Variants in AZIN1 observed in about 807,000 individuals in gnomAD.
The protein encoded by AZIN1 is ornithine decarboxylase antizyme inhibitor.
AZIN1 carries 12 observed loss-of-function variants against 47.4 expected under a neutral mutation model. The observed-to-expected ratio is 0.25, with a 90% confidence interval of 0.16 to 0.41. AZIN1 has a LOEUF of 0.41. AZIN1 is among the 10% of genes least tolerant of loss of function. The probability of loss-of-function intolerance (pLI) is 1.00; values close to 1 mark genes in which losing one functional copy is unlikely to be tolerated. For synonymous variants in AZIN1, 155 were observed against 176.3 expected, an observed-to-expected ratio of 0.88 and a Z score of 0.96; for missense variants, 410 against 532.4, an observed-to-expected ratio of 0.77 and a Z score of 2.26.
At position 102,827,334 on chromosome 8, in the gene AZIN1, A is replaced by T. The variant is rs557735485; in HGVS notation, c.*1233T>A. On this transcript the variant is annotated 3_prime_UTR_variant, in exon 12 of 12. Coordinates refer to ENST00000337198, the MANE Select transcript of AZIN1 (RefSeq NM_148174.4). ...TGATGCTAACTCCCTTCCCCCAACC[A>T]CCATAAAATTTTAGTAAGAAAAGAA... 1 of 152,268 alleles carries T rather than the reference A, an allele frequency of 6.6e-6. No individual in the cohort carries two copies. The highest frequency in any genetic ancestry group is 2.4e-5 in the African/African-American group (1 of 41,560). 9.4% of individuals were successfully genotyped at this position (152,268 alleles called of 1,614,324 possible).
chr8:102,833,326 TCACAGATCATGAA>T (rs1339883707), intron 8 of AZIN1, 108 bp from the exon 9 acceptor site: 1 of 1,017,210 alleles, frequency 9.8e-7, no homozygotes, highest in Non-Finnish European at 1.4e-6. Flanking sequence ...GCAGTTCCAA[TCACAGATCATGAA>T]CCTTAGCAAC....
chr8:102,848,349 A>C, intron 2 of AZIN1, among the ~76,000 whole-genome samples: 1 of 146,500 alleles, frequency 6.8e-6, no homozygotes, highest in African/African-American at 2.5e-5. Context: ...AAAAAAAGCC[A>C]ATTCCTCAAA....
chr8:102,829,034 G>A (rs1002515982), intron 11 of AZIN1, among the ~76,000 whole-genome samples: 4 of 152,178 alleles, frequency 2.6e-5, no homozygotes, highest in African/African-American at 9.7e-5. Flanking sequence ...ATGCTGTACA[G>A]GTTTGTAGCC....
intron 9 of AZIN1, 65 bp downstream of exon 9, chr8:102,832,991 G>A: frequency 7.2e-7 from 1 of 1,393,872 alleles, no homozygotes; most frequent in Non-Finnish European, 1.0e-6. Flanking sequence ...ATGACCATCT[G>A]CTCATTTCCA....
In AZIN1 at chr8:102,839,703, C is replaced by G. The variant is rs776161154; in HGVS notation, c.223G>C (p.Ala75Pro). 31 of 1,603,258 alleles carry G rather than the reference C, an allele frequency of 1.9e-5. No individual in the cohort carries two copies. Among genetic ancestry groups the G allele is most frequent in the Non-Finnish European group, 2.4e-5 (28 of 1,174,208 alleles). ...AGAGCTGCCAAAATCTCAAGTACAG[C>G]TGGAGCAGAGTTGCACTTCACTGTG... ...FYTVKCNSAP[A>P]VLEILAALGT... is the part of the protein sequence containing the mutation. The change falls in exon 4 of 12, where the codon GCT becomes CCT. Residue 75 changes from alanine (A) to proline (P), a missense_variant. Ala to Pro is a conservative substitution (Grantham distance 27). This residue lies in a region of AZIN1 where 237 missense variants were observed against 309.4 expected (regional missense o/e 0.77). Transcript: ENST00000337198.
chr8:102,839,922 T>C, intron 3 of AZIN1, 99 bp from the exon 4 acceptor site: 1 of 805,562 alleles, frequency 1.2e-6, no homozygotes, highest in Non-Finnish European at 1.9e-6. Context: ...CACAAATATA[T>C]GGGTCAAGAC....
At chr8:102,841,374 A>G (rs937827290) in intron 3 of AZIN1, among the ~76,000 whole-genome samples, 6 of 152,218 alleles carry the variant, frequency 3.9e-5, no homozygotes, top group Non-Finnish European at 7.3e-5. Flanking sequence ...AATGCTACTA[A>G]ACGTGGGTTA....
rs1032927406 is a variant in AZIN1, at chr8:102,842,711, AAAAAAAC to A, written c.102+833_102+839del. 2.1e-4 allele frequency among the ~76,000 whole-genome samples: 32 copies of A among 151,604 alleles called. No homozygotes were observed. The Middle Eastern group carries it at 0.021, about 98-fold the overall frequency. Reference sequence around the variant, plus strand: ...TACAGAGGGAGACTCCATCTCAAAAAAAAAAACAAAAAACAAAAAACAAAAAAAAAAC... The same window carrying A: ...TACAGAGGGAGACTCCATCTCAAAAAAAAAAACAAAAAACAAAAAAAAAAC... On this transcript the variant is annotated intron_variant, in intron 3 of 11. Coordinates refer to ENST00000337198, the MANE Select transcript of AZIN1 (RefSeq NM_148174.4).
intron 2 of AZIN1, among the ~76,000 whole-genome samples, chr8:102,847,616 G>A (rs1370149407): frequency 2.0e-5 from 3 of 150,442 alleles, no homozygotes; most frequent in Non-Finnish European, 4.4e-5. Flanking sequence ...CACCCAGACT[G>A]GAGTGCAGTG....
At chr8:102,832,889 C>G (rs1386823164) in intron 9 of AZIN1, among the ~76,000 whole-genome samples, 167 bp downstream of exon 9, 1 of 152,178 alleles carries the variant, frequency 6.6e-6, no homozygotes, top group Non-Finnish European at 1.5e-5. Flanking sequence ...ATCCACCTGG[C>G]TCTGCCTCCC....
chr8:102,847,570 ATTT>A (rs200379142), intron 2 of AZIN1, among the ~76,000 whole-genome samples: 2 of 141,980 alleles, frequency 1.4e-5, no homozygotes, highest in African/African-American at 2.6e-5. Flanking sequence ...AATTTTTCCC[ATTT>A]TTTTTTTTTT....
At chr8:102,847,846 T>C (rs1348561476) in intron 2 of AZIN1, among the ~76,000 whole-genome samples, 1 of 152,150 alleles carries the variant, frequency 6.6e-6, no homozygotes, top group Admixed American at 6.6e-5. Context: ...CCTCCCACCA[T>C]GGCCTCCCAA....
chr8:102,851,975 C>T (rs1021143097), intron 2 of AZIN1, among the ~76,000 whole-genome samples: 18 of 152,162 alleles, frequency 1.2e-4, no homozygotes, highest in Non-Finnish European at 1.3e-4. Flanking sequence ...AAACAGTTTT[C>T]AAGTCTTTTG....
Position 102,833,233 on chromosome 8 carries a change from T to C in AZIN1, c.742-15A>G, listed in dbSNP as rs775717057. ...ACATGATTAACCTATGGATTTTAAA[T>C]GCCACAGTATGGTTTCAATATTGGA... On this transcript the variant is annotated splice_polypyrimidine_tract_variant and intron_variant, in intron 8 of 11. Transcript: ENST00000337198. 42 of 1,603,432 alleles carry C rather than the reference T, an allele frequency of 2.6e-5. No individual in the cohort carries two copies. The South Asian group carries it at 4.4e-4, about 17-fold the overall frequency.
At chr8:102,834,928 T>C (rs749806611) in intron 6 of AZIN1, 181 bp from the exon 7 acceptor site, 3 of 533,586 alleles carry the variant, frequency 5.6e-6, no homozygotes, top group Non-Finnish European at 9.8e-6. Context: ...ACCAGCTTTA[T>C]AGAAAAGGCA....
rs551919610 is a variant in AZIN1 at position 102,854,232 on chromosome 8, C to T, written c.-96+3781G>A. 3.9e-5 allele frequency among the ~76,000 whole-genome samples: 6 copies of T among 152,244 alleles called. No homozygotes were observed. In the South Asian group the frequency reaches 1.0e-3, roughly 26 times the overall value. ...GGGATTATAGGTGTGAGGCACCGCA[C>T]CCAGCGGACAACCTCCCTTTCCTAC... On this transcript the variant is annotated intron_variant, in intron 2 of 11. Transcript: ENST00000337198.
At chr8:102,844,173 G>A (rs968641306) in intron 2 of AZIN1, among the ~76,000 whole-genome samples, 2 of 152,088 alleles carry the variant, frequency 1.3e-5, no homozygotes, top group Non-Finnish European at 2.9e-5. Context: ...TGTCAGCCAC[G>A]TATTAGCACT....
intron 2 of AZIN1, among the ~76,000 whole-genome samples, chr8:102,846,662 C>T (rs1211381390): frequency 6.6e-6 from 1 of 151,936 alleles, no homozygotes; most frequent in African/African-American, 2.4e-5. Context: ...TTGGGAAATC[C>T]AACACAGTTC....
chr8:102,840,686 T>C (rs1812123128), intron 3 of AZIN1, among the ~76,000 whole-genome samples: 1 of 152,190 alleles, frequency 6.6e-6, no homozygotes, highest in African/African-American at 2.4e-5. Flanking sequence ...ACAGAACATA[T>C]ATTACTCAGT....
Sources: allele counts gnomAD v4.1 joint callset (sites outside exome capture counted in the v4.1 genomes callset), GRCh38; gene constraint gnomAD v4.1.1; regional missense constraint gnomAD v4.1.1; transcripts MANE v1.5; gene names NCBI Gene and HGNC (gene_info 2026-07-23, HGNC 2026-07-21).